The following GPC3 variants were observed in gnomAD, a reference collection of about 807,000 sequenced individuals.
GPC3 encodes the protein glypican-3.
GPC3 carries 3 observed loss-of-function variants against 34.4 expected under a neutral mutation model. The ratio of observed to expected loss-of-function variants is 0.09; its 90% CI spans 0.04 to 0.23. The LOEUF is 0.23. Among genes scored for constraint, GPC3 ranks in the 10% least tolerant of loss-of-function variants. GPC3 has a pLI of 1.00. For missense variants in GPC3, 351 were observed against 445.6 expected, an observed-to-expected ratio of 0.79 and a Z score of 1.91; for synonymous variants, 177 against 174.0, an observed-to-expected ratio of 1.02 and a Z score of -0.13.
intron 6 of GPC3, among the ~76,000 whole-genome samples, chrX:133,608,639 T>C (rs2070075086): frequency 8.9e-6 from 1 of 111,880 alleles, no homozygotes; most frequent in Non-Finnish European, 1.9e-5. Flanking sequence ...TCATCAAGCA[T>C]TGGGCTTGAA....
At chrX:133,759,792 T>C (rs939453513) in intron 2 of GPC3, among the ~76,000 whole-genome samples, 1 of 111,452 alleles carries the variant, frequency 9.0e-6, no homozygotes, top group Non-Finnish European at 1.9e-5. Flanking sequence ...CAGAAAAACA[T>C]CCATTCTGCA....
In GPC3 at chrX:133,699,929, C is replaced by T; in HGVS notation, c.1132G>A (p.Val378Ile). ...IDKKVLKVAH[V>I]EHEETLSSRR... is the part of the protein sequence containing the mutation. ...CTGGATAAGGTTTCTTCATGTTCTA[C>T]ATGAGCAACTTTTAATACTTTCTTG... Residue 378 changes from valine to isoleucine, a missense_variant, in exon 4 of 8, where the codon GTA becomes ATA. Val to Ile is a conservative substitution (Grantham distance 29). Transcript: ENST00000370818. 1 of 1,204,006 alleles carries T rather than the reference C, an allele frequency of 8.3e-7. No individual in the cohort carries two copies. The highest frequency in any genetic ancestry group is 1.1e-6 in the Non-Finnish European group (1 of 889,116).
At position 133,865,941 on chromosome X, in the gene GPC3, T is replaced by C. The variant is rs186143239; in HGVS notation, c.337+87109A>G. Among the ~76,000 whole-genome samples the C allele has an allele frequency of 3.3e-3, 365 of 112,221 alleles. 1 individual carries two copies. Among genetic ancestry groups the C allele is most frequent in the Middle Eastern group, 4.6e-3 (1 of 217 alleles). ...TCTTTAAAGTAACTATTACTTGTCA[T>C]GTAAATTTCTAGTTTTAAGCAGTAG... is the stretch of plus-strand genomic sequence containing the variant. On this transcript the variant is annotated intron_variant, in intron 2 of 7. Coordinates refer to ENST00000370818, the MANE Select transcript of GPC3 (RefSeq NM_004484.4).
chrX:133,948,962 G>C (rs2076381130), intron 2 of GPC3, among the ~76,000 whole-genome samples: 1 of 112,100 alleles, frequency 8.9e-6, no homozygotes, highest in Non-Finnish European at 1.9e-5. Context: ...GAGCTGTCTA[G>C]ATAATGCATG....
At chrX:133,643,411 G>A (rs922339470) in intron 6 of GPC3, among the ~76,000 whole-genome samples, 11 of 111,795 alleles carry the variant, frequency 9.8e-5, no homozygotes, top group South Asian at 3.8e-4. Flanking sequence ...TTGGTCCAGC[G>A]TGGTTTCAGT....
chrX:133,591,673 G>C (rs967860513), intron 7 of GPC3, among the ~76,000 whole-genome samples: 8 of 111,983 alleles, frequency 7.1e-5, no homozygotes, highest in Non-Finnish European at 1.1e-4. Flanking sequence ...TGGACAAAGG[G>C]AAACCATGGA....
At chrX:133,894,129 C>A (rs2076101295) in intron 2 of GPC3, among the ~76,000 whole-genome samples, 1 of 111,810 alleles carries the variant, frequency 8.9e-6, no homozygotes, top group Non-Finnish European at 1.9e-5. Flanking sequence ...AGGAGTGAGC[C>A]ACTGTGCCCA....
intron 1 of GPC3, among the ~76,000 whole-genome samples, chrX:133,960,909 A>G (rs1397649486): frequency 8.9e-6 from 1 of 111,797 alleles, no homozygotes; most frequent in Non-Finnish European, 1.9e-5. Flanking sequence ...ATTTTTTAAA[A>G]GGTATCTTTT....
At chrX:133,595,637 C>A (rs1364144614) in intron 7 of GPC3, among the ~76,000 whole-genome samples, 2 of 110,855 alleles carry the variant, frequency 1.8e-5, no homozygotes, top group African/African-American at 3.3e-5. Flanking sequence ...CTGAAGCAAT[C>A]CTCCCAAGTA....
chrX:133,970,212 GC>G (rs1231789718), intron 1 of GPC3, among the ~76,000 whole-genome samples: 1 of 111,708 alleles, frequency 9.0e-6, no homozygotes, highest in African/African-American at 3.3e-5. Context: ...TAAGCAAAGG[GC>G]TGGGGAGGGG....
At chrX:133,677,407 A>G (rs1043677843) in intron 5 of GPC3, among the ~76,000 whole-genome samples, 5 of 111,863 alleles carry the variant, frequency 4.5e-5, no homozygotes, top group Non-Finnish European at 9.4e-5. Context: ...TATCTTTGTT[A>G]TAGGATCTCA....
chrX:133,593,125 C>T (rs1451650211), intron 7 of GPC3, among the ~76,000 whole-genome samples: 2 of 109,128 alleles, frequency 1.8e-5, no homozygotes, highest in Non-Finnish European at 3.8e-5. Flanking sequence ...GTCAGGAGTT[C>T]GAGACCAGCC....
intron 6 of GPC3, among the ~76,000 whole-genome samples, chrX:133,618,928 C>A (rs1288952421): frequency 9.0e-6 from 1 of 110,665 alleles, no homozygotes; most frequent in Non-Finnish European, 1.9e-5. Context: ...AAAGTTTTTG[C>A]AAACCATATA....
chrX:133,646,716 T>A (rs1425796271), intron 6 of GPC3, among the ~76,000 whole-genome samples: 1 of 112,220 alleles, frequency 8.9e-6, no homozygotes, highest in Non-Finnish European at 1.9e-5. Context: ...GTTTCCCATC[T>A]TTGCTCAATA....
chrX:133,566,667 C>T (rs1210897805), intron 7 of GPC3, among the ~76,000 whole-genome samples: 1 of 110,922 alleles, frequency 9.0e-6, no homozygotes, highest in East Asian at 2.9e-4. Flanking sequence ...AAATATTCAC[C>T]AATTGGTTTG....
At chrX:133,570,682 C>T (rs1325091324) in intron 7 of GPC3, among the ~76,000 whole-genome samples, 2 of 111,954 alleles carry the variant, frequency 1.8e-5, no homozygotes, top group South Asian at 3.8e-4. Flanking sequence ...AGACCCACTG[C>T]CTTCACTAGC....
At chrX:133,852,985 C>CAAAA (rs33927142) in intron 2 of GPC3, among the ~76,000 whole-genome samples, 26 of 42,094 alleles carry the variant, frequency 6.2e-4, no homozygotes, top group Non-Finnish European at 7.3e-4. Context: ...TTTTAAATTC[C>CAAAA]AAAAAAAAAA....
At chrX:133,617,780 T>A (rs1045252441) in intron 6 of GPC3, among the ~76,000 whole-genome samples, 2 of 111,324 alleles carry the variant, frequency 1.8e-5, no homozygotes, top group Non-Finnish European at 3.8e-5. Context: ...TGAAATATGG[T>A]ACCTAGTTAT....
At chrX:133,891,281 T>C (rs1433916614) in intron 2 of GPC3, among the ~76,000 whole-genome samples, 1 of 110,173 alleles carries the variant, frequency 9.1e-6, no homozygotes, top group African/African-American at 3.3e-5. Context: ...GGGCTAGGGG[T>C]GAAGGAGATG....
Sources: gnomAD v4.1 joint callset for allele counts (sites outside exome capture counted in the v4.1 genomes callset) on GRCh38, gnomAD v4.1.1 for gene constraint, MANE v1.5 for transcripts, NCBI Gene and HGNC (gene_info 2026-07-23, HGNC 2026-07-21) for gene names.